SLC24A5: variants seen among roughly 807,000 people sequenced by gnomAD.
SLC24A5 encodes solute carrier family 24 member 5.
In SLC24A5, 46 loss-of-function variants were observed where a neutral mutation model predicts 51.6. The observed-to-expected ratio is 0.89, with a 90% CI of 0.70 to 1.14. The LOEUF is 1.14. Ranked by LOEUF, SLC24A5 falls within the 50% of genes most tolerant of loss-of-function variation. The pLI is 0.00. For missense variants in SLC24A5, 581 were observed against 604.1 expected, an observed-to-expected ratio of 0.96 and a Z score of 0.40; for synonymous variants, 230 against 214.9, an observed-to-expected ratio of 1.07 and a Z score of -0.62.
chr15:48,121,272 T>C (rs1368764110), intron 1 of SLC24A5, 107 bp downstream of exon 1: 1 of 1,201,494 alleles, frequency 8.3e-7, no homozygotes, highest in African/African-American at 1.5e-5. Flanking sequence ...GGCTCACTTT[T>C]ACTTACGCTT....
chr15:48,141,966 G>A (rs2039104903), intron 8 of SLC24A5, 63 bp from the exon 9 acceptor site: 1 of 1,205,490 alleles, frequency 8.3e-7, no homozygotes, highest in African/African-American at 1.5e-5. Flanking sequence ...CTTTTCTTAT[G>A]AAGATTATTA....
chr15:48,132,858 A>G (rs1211414679), intron 2 of SLC24A5, among the ~76,000 whole-genome samples: 1 of 152,148 alleles, frequency 6.6e-6, no homozygotes, highest in African/African-American at 2.4e-5. Context: ...CTTAAGGGAA[A>G]TGTCCTGTGA....
rs749419813 is a variant in SLC24A5 at position 48,134,420 on chromosome 15, C to T, written c.386-15C>T. The T allele has an allele frequency of 6.2e-6, 10 of 1,609,298 alleles. No homozygotes were observed. In the Admixed American group the frequency reaches 1.5e-4, roughly 24 times the overall value. ...CAAGTTAACACTAACTTAGCTGGTA[C>T]TATCTTGCACATAGGTGTATTTATC... On this transcript the variant is annotated splice_polypyrimidine_tract_variant and intron_variant, in intron 3 of 8. Coordinates refer to ENST00000341459, the MANE Select transcript of SLC24A5 (RefSeq NM_205850.3).
intron 6 of SLC24A5, chr15:48,138,728 T>C: frequency 2.2e-6 from 1 of 444,646 alleles, no homozygotes; most frequent in Non-Finnish European, 4.1e-6. Flanking sequence ...GCCCAAGACA[T>C]TTTTATAGAT....
intron 4 of SLC24A5, 115 bp downstream of exon 4, chr15:48,134,653 A>G: frequency 1.3e-6 from 1 of 795,558 alleles, no homozygotes; most frequent in South Asian, 1.8e-5. Flanking sequence ...AAATTTATTA[A>G]TCAGTAGAAA....
chr15:48,126,611 TGA>T (rs1367592803), intron 2 of SLC24A5, among the ~76,000 whole-genome samples: 5 of 152,112 alleles, frequency 3.3e-5, no homozygotes, highest in Admixed American at 3.3e-4. Context: ...GGTAATGGGG[TGA>T]GGAATAAACT....
In SLC24A5 at chr15:48,134,548, A is replaced by G; in HGVS notation, c.489+10A>G. On this transcript the variant is annotated intron_variant, in intron 4 of 8. Coordinates refer to ENST00000341459, the MANE Select transcript of SLC24A5 (RefSeq NM_205850.3). ...TTTGCTATCTAATACGGTATGTAAC[A>G]AAACCATTCAACAAAATGTATTGTC... 6.3e-7 allele frequency: 1 copy of G among 1,591,462 alleles called. No homozygotes were observed. Among genetic ancestry groups the G allele is most frequent in the Non-Finnish European group, 8.6e-7 (1 of 1,161,238 alleles).
In SLC24A5 at chr15:48,142,149, A is replaced by T. The variant is rs1567235279; in HGVS notation, c.1301A>T (p.Asn434Ile). ...FINGSAPAEV[N>I]SRGLTYITIS... is the part of the protein sequence containing the mutation. ...AATGGATCAGCTCCTGCAGAAGTAA[A>T]CAGCAGAGGACTAACTTACATAACC... Residue 434 changes from asparagine to isoleucine, a missense_variant, in exon 9 of 9, where the codon AAC (asparagine) becomes ATC (isoleucine). Asn to Ile is a moderately radical substitution (Grantham distance 149). Transcript: ENST00000341459. The T allele has an allele frequency of 6.2e-7, 1 of 1,613,764 alleles. No individual in the cohort carries two copies. The highest frequency in any genetic ancestry group is 8.5e-7 in the Non-Finnish European group (1 of 1,179,892).
chr15:48,134,602 C>G, intron 4 of SLC24A5, 64 bp downstream of exon 4: 1 of 1,310,896 alleles, frequency 7.6e-7, no homozygotes, highest in East Asian at 2.3e-5. Context: ...AACTGTTCGT[C>G]GTCTGGGATG....
chr15:48,140,110 A>C (rs2140762339), intron 7 of SLC24A5: 1 of 152,256 alleles, frequency 6.6e-6, no homozygotes, highest in East Asian at 1.9e-4. Context: ...GAGAAAAATG[A>C]AAAAGTCCAA....
chr15:48,127,247 A>T (rs2038741362), intron 2 of SLC24A5, among the ~76,000 whole-genome samples: 1 of 152,200 alleles, frequency 6.6e-6, no homozygotes, highest in African/African-American at 2.4e-5. Context: ...CATAGAAAAC[A>T]TTCACTGAAT....
At chr15:48,134,222 T>C (rs1172037455) in intron 2 of SLC24A5, 36 bp from the exon 3 acceptor site, 1 of 1,568,182 alleles carries the variant, frequency 6.4e-7, no homozygotes, top group East Asian at 2.3e-5. Context: ...ACTCTTTCAC[T>C]TTATTAGGCA....
Position 48,142,385 on chromosome 15 carries a change from G to T in SLC24A5, c.*34G>T. Reference sequence around the variant, plus strand: ...ATAGTGTTATGCAGAAAATATGAATGGCAGGGAGGGGCAGAGAGAAAAATC... The same window carrying T: ...ATAGTGTTATGCAGAAAATATGAATTGCAGGGAGGGGCAGAGAGAAAAATC... On this transcript the variant is annotated 3_prime_UTR_variant, in exon 9 of 9. Transcript: ENST00000341459. The T allele has an allele frequency of 7.6e-7, 1 of 1,309,756 alleles. No individual in the cohort carries two copies. The highest frequency in any genetic ancestry group is 1.0e-6 in the Non-Finnish European group (1 of 965,144). 81.1% of individuals were successfully genotyped at this position (1,309,756 alleles called of 1,614,324 possible). A position where few individuals can be genotyped will look rare whatever the true frequency, so the allele number is the denominator to read the frequency against.
intron 3 of SLC24A5, 34 bp from the exon 4 acceptor site, chr15:48,134,401 A>G: frequency 3.7e-6 from 6 of 1,608,830 alleles, no homozygotes; most frequent in Non-Finnish European, 5.1e-6. Context: ...TCTTCAAGTT[A>G]ACACTAACTT....
intron 2 of SLC24A5, chr15:48,124,146 A>C (rs1022512952): frequency 5.3e-5 from 8 of 152,106 alleles, no homozygotes; most frequent in Non-Finnish European, 1.2e-4. Context: ...GTAAATTTGT[A>C]AATCTTTTTC....
chr15:48,142,010 G>T lies in SLC24A5; in HGVS notation c.1181-19G>T. ...CAGTATTGGTAAGCACATTTTAACA[G>T]TATGCTTTTCTTTTGTAGGGAAAGG... On this transcript the variant is annotated intron_variant, in intron 8 of 8. Transcript: ENST00000341459. The T allele has an allele frequency of 6.4e-7, 1 of 1,561,978 alleles. No homozygotes were observed. The highest frequency in any genetic ancestry group is 1.2e-5 in the South Asian group (1 of 86,498).
intron 2 of SLC24A5, among the ~76,000 whole-genome samples, chr15:48,133,342 T>G (rs959796251): frequency 6.6e-6 from 1 of 152,120 alleles, no homozygotes; most frequent in Non-Finnish European, 1.5e-5. Context: ...GGTTGGGGAT[T>G]TCTTATGCAA....
chr15:48,133,368 C>T (rs2038817210), intron 2 of SLC24A5, among the ~76,000 whole-genome samples: 1 of 152,058 alleles, frequency 6.6e-6, no homozygotes, highest in Non-Finnish European at 1.5e-5. Context: ...TCTCGGCCTA[C>T]GGCTTTCTCT....
chr15:48,133,718 T>A (rs931025067), intron 2 of SLC24A5, among the ~76,000 whole-genome samples: 2 of 152,104 alleles, frequency 1.3e-5, no homozygotes, highest in Non-Finnish European at 2.9e-5. Context: ...CATCAAAAAT[T>A]CTCTGCATGG....
Sources: allele counts gnomAD v4.1 joint callset (sites outside exome capture counted in the v4.1 genomes callset), GRCh38; gene constraint gnomAD v4.1.1; transcripts MANE v1.5; gene names NCBI Gene and HGNC (gene_info 2026-07-23, HGNC 2026-07-21).